The following MAP3K13 variants were observed in gnomAD, a reference collection of about 807,000 sequenced individuals.
MAP3K13 encodes the protein mitogen-activated protein kinase kinase kinase 13, also known as leucine zipper-bearing kinase.
MAP3K13 carries 52 observed loss-of-function variants against 104.0 expected under a neutral mutation model. The ratio of observed to expected loss-of-function variants is 0.50; its 90% CI spans 0.40 to 0.63. MAP3K13 has a LOEUF of 0.63. Ranked by LOEUF, MAP3K13 falls within the 20% of genes least tolerant of loss-of-function variation. The pLI, the probability that MAP3K13 is intolerant of heterozygous loss-of-function variation, is 0.00. For synonymous variants in MAP3K13, 394 were observed against 442.2 expected, an observed-to-expected ratio of 0.89 and a Z score of 1.37; for missense variants, 914 against 1,218.5, an observed-to-expected ratio of 0.75 and a Z score of 3.72.
intron 1 of MAP3K13, among the ~76,000 whole-genome samples, chr3:185,393,193 T>TAAG (rs386398770): frequency 1.3e-5 from 2 of 151,632 alleles, no homozygotes; most frequent in Non-Finnish European, 2.9e-5. Context: ...AAGAGAAAAA[T>TAAG]AAGTCATACA....
At position 185,417,410 on chromosome 3, in the gene MAP3K13, C is replaced by T. The variant is rs145569753; in HGVS notation, c.-85-11087C>T. The stretch of plus-strand genomic sequence containing the variant: ...TTCTTTTCTTTTCTTTTCTTTTTTT[C>T]CTCACTGCCTGTATAATCAGGTCTT... On this transcript the variant is annotated intron_variant, in intron 1 of 13. Coordinates refer to ENST00000265026, the MANE Select transcript of MAP3K13 (RefSeq NM_004721.5). The T allele has an allele frequency of 7.7e-3, 9,949 of 1,285,508 alleles. 42 individuals carry two copies. Among genetic ancestry groups the T allele is most frequent in the Non-Finnish European group, 9.4e-3 (8,811 of 934,104 alleles). The allele number at this position is 1,285,508 out of a possible 1,614,324, so 79.6% of individuals were successfully genotyped here.
intron 2 of MAP3K13, among the ~76,000 whole-genome samples, chr3:185,335,675 T>C (rs1276196725): frequency 2.6e-5 from 4 of 152,234 alleles, no homozygotes; most frequent in Non-Finnish European, 4.4e-5. Flanking sequence ...TCCTCTCATA[T>C]ACTTTAAATC....
intron 1 of MAP3K13, among the ~76,000 whole-genome samples, chr3:185,393,415 A>G (rs774518867): frequency 2.0e-5 from 3 of 152,204 alleles, no homozygotes; most frequent in Non-Finnish European, 4.4e-5. Context: ...TCTATGGATA[A>G]GAATCAGCTG....
At chr3:185,442,321 G>GA (rs566626069) in intron 3 of MAP3K13, among the ~76,000 whole-genome samples, 18,958 of 144,962 alleles carry the variant, frequency 0.13, 1,597 homozygotes, top group Non-Finnish European at 0.2. Flanking sequence ...TGTCTGACAT[G>GA]AAAAAAAAAA....
intron 7 of MAP3K13, among the ~76,000 whole-genome samples, chr3:185,455,316 T>TATGAGATATAC (rs1482116672): frequency 2.4e-4 from 30 of 126,124 alleles, no homozygotes; most frequent in African/African-American, 8.9e-4. Context: ...ATGAGATATA[T>TATGAGATATAC]ATGAGATATA....
At chr3:185,298,611 C>T (rs955519187) in intron 2 of MAP3K13, among the ~76,000 whole-genome samples, 6 of 152,042 alleles carry the variant, frequency 3.9e-5, no homozygotes, top group African/African-American at 1.2e-4. Flanking sequence ...CAAGTATCTC[C>T]TCATTTTGGC....
At chr3:185,387,227 G>A (rs763939721) in intron 1 of MAP3K13, among the ~76,000 whole-genome samples, 6 of 152,124 alleles carry the variant, frequency 3.9e-5, no homozygotes, top group Non-Finnish European at 7.3e-5. Context: ...AATGGGAGAT[G>A]TTTGGGTCAT....
At chr3:185,431,957 CT>C (rs1714762742) in intron 2 of MAP3K13, among the ~76,000 whole-genome samples, 2 of 151,866 alleles carry the variant, frequency 1.3e-5, no homozygotes, top group African/African-American at 4.8e-5. Flanking sequence ...ATGTGTATCT[CT>C]CTCTCTCTCT....
chr3:185,449,890 G>T lies in MAP3K13; in HGVS notation c.1011-10G>T. ...AACATCTTCTGTCCATGTTCCCGGC[G>T]CTACTGTAGGTCTTTTGGAGTGGTG... On this transcript the variant is annotated splice_polypyrimidine_tract_variant and intron_variant, in intron 5 of 13. Coordinates refer to ENST00000265026, the MANE Select transcript of MAP3K13 (RefSeq NM_004721.5). 1 of 1,589,642 alleles carries T rather than the reference G, an allele frequency of 6.3e-7. No individual in the cohort carries two copies. Among genetic ancestry groups the T allele is most frequent in the Non-Finnish European group, 8.5e-7 (1 of 1,170,184 alleles).
intron 1 of MAP3K13, among the ~76,000 whole-genome samples, chr3:185,364,513 T>C (rs1295357776): frequency 6.6e-6 from 1 of 152,252 alleles, no homozygotes; most frequent in Non-Finnish European, 1.5e-5. Context: ...GTAAAATCAA[T>C]ACTTAATTTT....
In MAP3K13 at chr3:185,454,878, T is replaced by TAC. The variant is rs1409177565; in HGVS notation, c.1278+3484_1278+3485insCA. On this transcript the variant is annotated intron_variant, in intron 7 of 13. Coordinates refer to ENST00000265026, the MANE Select transcript of MAP3K13 (RefSeq NM_004721.5). ...ATACATGATATATATATGAGATATA[T>TAC]ATATGATATATATATGAGATATATA... 1.6e-3 allele frequency among the ~76,000 whole-genome samples: 146 copies of TAC among 93,336 alleles called. 47 individuals are homozygous for TAC. The highest frequency in any genetic ancestry group is 3.1e-3 in the South Asian group (8 of 2,544). The allele number at this position is 93,336 out of a possible 152,430, so 61.2% of individuals were successfully genotyped here. A position where few individuals can be genotyped will look rare whatever the true frequency, so the allele number is the denominator to read the frequency against.
At chr3:185,331,375 G>A (rs992114514) in intron 2 of MAP3K13, among the ~76,000 whole-genome samples, 1 of 151,950 alleles carries the variant, frequency 6.6e-6, no homozygotes, top group Admixed American at 6.6e-5. Flanking sequence ...GATTACAGGC[G>A]TGAACCACTG....
chr3:185,449,353 A>T (rs2148896443), intron 5 of MAP3K13, among the ~76,000 whole-genome samples: 1 of 148,862 alleles, frequency 6.7e-6, no homozygotes, highest in South Asian at 2.2e-4. Flanking sequence ...AGCCTAGGTG[A>T]CAGAGCAAGA....
Position 185,384,164 on chromosome 3 carries a change from T to G in MAP3K13, c.-86+20796T>G, listed in dbSNP as rs115772532. On this transcript the variant is annotated intron_variant, in intron 1 of 13. Transcript: ENST00000265026. The stretch of plus-strand genomic sequence containing the variant: ...ACCTACCTCCATGAGGTCAACTTTT[T>G]TTTAGCTCCCACATATGAATGAGAA... 9.0e-3 allele frequency among the ~76,000 whole-genome samples: 1,370 copies of G among 152,276 alleles called. 24 individuals are homozygous for G. The highest frequency in any genetic ancestry group is 0.03 in the African/African-American group (1,260 of 41,562).
At chr3:185,321,704 A>C (rs1721875181) in intron 2 of MAP3K13, among the ~76,000 whole-genome samples, 1 of 152,202 alleles carries the variant, frequency 6.6e-6, no homozygotes, top group African/African-American at 2.4e-5. Context: ...CCTGGGTTCA[A>C]GCAATTCTCC....
intron 1 of MAP3K13, among the ~76,000 whole-genome samples, chr3:185,387,711 A>G (rs532486800): frequency 2.9e-4 from 44 of 152,250 alleles, no homozygotes; most frequent in Non-Finnish European, 5.3e-4. Flanking sequence ...CACAGCTATC[A>G]TCACACTGAA....
intron 3 of MAP3K13, among the ~76,000 whole-genome samples, chr3:185,442,072 G>T (rs1461200675): frequency 6.6e-6 from 1 of 151,156 alleles, no homozygotes; most frequent in Non-Finnish European, 1.5e-5. Context: ...CTGGCGTGGT[G>T]GTGCACACCT....
intron 2 of MAP3K13, among the ~76,000 whole-genome samples, chr3:185,336,497 G>A (rs1256039113): frequency 6.7e-6 from 1 of 150,012 alleles, no homozygotes; most frequent in Non-Finnish European, 1.5e-5. Flanking sequence ...AGCCGAGATG[G>A]CGCCATTGCA....
intron 1 of MAP3K13, among the ~76,000 whole-genome samples, chr3:185,424,774 C>G (rs952487272): frequency 6.6e-6 from 1 of 152,132 alleles, no homozygotes; most frequent in Non-Finnish European, 1.5e-5. Flanking sequence ...GTAACAGTAA[C>G]GTTCTATATC....
Sources: gnomAD v4.1 joint callset for allele counts (sites outside exome capture counted in the v4.1 genomes callset) on GRCh38, gnomAD v4.1.1 for gene constraint, MANE v1.5 for transcripts, NCBI Gene and HGNC (gene_info 2026-07-23, HGNC 2026-07-21) for gene names.